Variants in TMEM150B observed in about 807,000 individuals in gnomAD.
TMEM150B encodes the protein transmembrane protein 150B.
TMEM150B carries 33 observed loss-of-function variants against 25.2 expected under a neutral mutation model. The observed-to-expected ratio is 1.31, with a 90% confidence interval of 0.99 to 1.75. The LOEUF is 1.75. Among genes scored for constraint, TMEM150B ranks in the 40% most tolerant of loss-of-function variants. The pLI, the probability that TMEM150B is intolerant of heterozygous loss-of-function variation, is 0.00. For synonymous variants in TMEM150B, 133 were observed against 134.8 expected, an observed-to-expected ratio of 0.99 and a Z score of 0.09; for missense variants, 322 against 306.1, an observed-to-expected ratio of 1.05 and a Z score of -0.39.
intron 3 of TMEM150B, 76 bp from the exon 4 acceptor site, chr19:55,320,693 TC>T: frequency 6.5e-7 from 1 of 1,545,536 alleles, no homozygotes; most frequent in Non-Finnish European, 8.9e-7. Context: ...AACAAGGACT[TC>T]TAGCCCCCTC....
intron 1 of TMEM150B, 92 bp downstream of exon 1, chr19:55,325,180 T>G (rs765089386): frequency 6.8e-5 from 49 of 718,592 alleles, no homozygotes; most frequent in Non-Finnish European, 8.2e-5. Flanking sequence ...CCACGGTGCT[T>G]ATGTGACCTG....
downstream of TMEM150B, chr19:55,312,533 CAAAAAAAAAAAA>C (rs372052269): frequency 3.2e-3 from 82 of 25,746 alleles, no homozygotes; most frequent in Middle Eastern, 0.056. Context: ...CCGCCGGCGG[CAAAAAAAAAAAA>C]AAAAAAAAAA....
At chr19:55,319,204 C>T (rs1459185606) in intron 6 of TMEM150B, among the ~76,000 whole-genome samples, 4 of 152,064 alleles carry the variant, frequency 2.6e-5, no homozygotes, top group Non-Finnish European at 4.4e-5. Flanking sequence ...CTCTGCCTCC[C>T]GGGTTCAAGC....
At chr19:55,324,830 A>T in intron 1 of TMEM150B, 1 of 985,208 alleles carries the variant, frequency 1.0e-6, no homozygotes, top group Non-Finnish European at 1.2e-6. Context: ...CCAGACATGA[A>T]TCTGAGCCAC....
chr19:55,313,178 C>T (rs533412922), intron 7 of TMEM150B, 123 bp from the exon 8 acceptor site: 3 of 976,392 alleles, frequency 3.1e-6, no homozygotes, highest in Admixed American at 5.3e-5. Context: ...TCTCCCCTTC[C>T]CCCGTAGCTC....
At position 55,320,120 on chromosome 19, in the gene TMEM150B, G is replaced by A. The variant is rs766895006; in HGVS notation, c.243C>T (p.Gly81=). 6.2e-6 allele frequency: 10 copies of A among 1,614,154 alleles called. No homozygotes were observed. Among genetic ancestry groups the A allele is most frequent in the Non-Finnish European group, 8.5e-6 (10 of 1,180,016 alleles). The change falls in exon 6 of 8, where the codon GGC becomes GGT. Residue 81 remains glycine (G), a synonymous_variant. Transcript: ENST00000326652. The part of the protein sequence containing the change: ...IVRYHQLRDW[G]VRRWPNQLIL... Reference sequence around the variant, plus strand: ...TCAGCTGGTTAGGCCACCTTCTGACGCCCCAGTCCCGGAGCTGGTGGTAAC... The same window carrying A: ...TCAGCTGGTTAGGCCACCTTCTGACACCCCAGTCCCGGAGCTGGTGGTAAC...
rs1318207398 is a variant in TMEM150B at position 55,313,176 on chromosome 19, TC to T, written c.506-122del. On this transcript the variant is annotated intron_variant, in intron 7 of 7. Transcript: ENST00000326652. ...GTGTCCCCATCCTCAGCTCTCCCCTTCCCCCGTAGCTCCTCACAGACGGGGC... is the reference window on the plus strand; with the variant it reads ...GTGTCCCCATCCTCAGCTCTCCCCTTCCCCGTAGCTCCTCACAGACGGGGC... 4.9e-6 allele frequency: 5 copies of T among 1,017,570 alleles called. No individual in the cohort carries two copies. The African/African-American group carries it at 6.6e-5, about 13-fold the overall frequency. The allele number at this position is 1,017,570 out of a possible 1,614,324, so 63.0% of individuals were successfully genotyped here.
At chr19:55,315,682 A>G (rs1386554930) in intron 7 of TMEM150B, among the ~76,000 whole-genome samples, 6 of 151,680 alleles carry the variant, frequency 4.0e-5, no homozygotes, top group Non-Finnish European at 8.8e-5. Flanking sequence ...AATGGCATGA[A>G]CCTGGGAGGC....
rs372085856 is a variant in TMEM150B, at chr19:55,316,954, G to T, written c.337C>A (p.Arg113=). Residue 113 remains arginine (R), a synonymous_variant, in exon 7 of 8, where the codon CGG becomes AGG. Coordinates refer to ENST00000326652, the MANE Select transcript of TMEM150B (RefSeq NM_001282011.2). ...AAGGCCCCTGCCAAGTGCGTAGGCC[G>T]CTGGTTCTTTTCCTGGGAGGAGAAG... ...VVGNFQEKNQ[R]PTHLAGAFLA... 2.5e-5 allele frequency: 40 copies of T among 1,598,992 alleles called. No individual in the cohort carries two copies. Among genetic ancestry groups the T allele is most frequent in the Non-Finnish European group, 3.1e-5 (37 of 1,174,914 alleles).
Position 55,320,409 on chromosome 19 carries a change from T to G in TMEM150B, c.178A>C (p.Asn60His), listed in dbSNP as rs576958346. The stretch of plus-strand genomic sequence containing the variant: ...TATTTACCCAGAGCAGCTCCCATAT[T>G]GAGCACCTGGCTGAAGATGCAGCTC... ...PQSCIFSQVLNMGAALAAWIC... is the reference protein window; with the variant it reads ...PQSCIFSQVLHMGAALAAWIC... Residue 60 changes from asparagine to histidine, a missense_variant, in exon 5 of 8, where the codon AAT (asparagine) becomes CAT (histidine). Transcript: ENST00000326652. The G allele has an allele frequency of 6.4e-7, 1 of 1,571,408 alleles. No individual in the cohort carries two copies. Among genetic ancestry groups the G allele is most frequent in the Non-Finnish European group, 8.6e-7 (1 of 1,157,334 alleles).
intron 1 of TMEM150B, among the ~76,000 whole-genome samples, chr19:55,323,237 G>A (rs1377357894): frequency 6.6e-6 from 1 of 152,102 alleles, no homozygotes; most frequent in Non-Finnish European, 1.5e-5. Flanking sequence ...TTTGAGACTA[G>A]CCTGGCCAAC....
chr19:55,324,431 T>C (rs879781552), intron 1 of TMEM150B, among the ~76,000 whole-genome samples: 51 of 151,948 alleles, frequency 3.4e-4, no homozygotes, highest in Non-Finnish European at 4.9e-4. Flanking sequence ...GGGCAGATCA[T>C]GAGATCAGGA....
intron 6 of TMEM150B, 22 bp downstream of exon 6, chr19:55,320,017 C>T: frequency 2.5e-6 from 4 of 1,613,938 alleles, no homozygotes; most frequent in Non-Finnish European, 3.4e-6. Context: ...GGGACAGACC[C>T]TGGGCGCCGA....
At chr19:55,320,905 G>A in intron 3 of TMEM150B, 64 bp downstream of exon 3, 1 of 1,564,320 alleles carries the variant, frequency 6.4e-7, no homozygotes, top group Non-Finnish European at 8.7e-7. Context: ...CTCAGACCCA[G>A]AAATCCAGGC....
rs375954486 is a variant in TMEM150B, at chr19:55,313,042, G to C, written c.519C>G (p.His173Gln). The change falls in exon 8 of 8, where the codon CAC becomes CAG. Residue 173 changes from histidine (H) to glutamine (Q), a missense_variant. Physicochemically the swap from His to Gln is conservative, Grantham distance 24. Transcript: ENST00000326652. ...CAGAGACGCTACGCAGCGAGCAGGCGTGGAGGACGATCACTGCCCCAGGGT... is the reference window on the plus strand; with the variant it reads ...CAGAGACGCTACGCAGCGAGCAGGCCTGGAGGACGATCACTGCCCCAGGGT... ...TILIVAMIVLHACSLRSVSAA... is the reference protein window; with the variant it reads ...TILIVAMIVLQACSLRSVSAA... The C allele has an allele frequency of 1.9e-6, 3 of 1,610,964 alleles. No individual in the cohort carries two copies. The highest frequency in any genetic ancestry group is 1.3e-5 in the African/African-American group (1 of 74,872).
At chr19:55,321,451 G>T (rs1192470604) in intron 2 of TMEM150B, among the ~76,000 whole-genome samples, 2 of 152,032 alleles carry the variant, frequency 1.3e-5, no homozygotes, top group Non-Finnish European at 2.9e-5. Flanking sequence ...TTCGGGATGG[G>T]GCTCAGACAG....
chr19:55,321,229 TC>T, intron 2 of TMEM150B, 136 bp from the exon 3 acceptor site: 2 of 1,229,406 alleles, frequency 1.6e-6, no homozygotes, highest in Non-Finnish European at 2.2e-6. Flanking sequence ...CCAGGCAATT[TC>T]CCCACCTATC....
rs768880288 is a variant in TMEM150B at position 55,312,934 on chromosome 19, G to A, written c.627C>T (p.Cys209=). The change falls in exon 8 of 8, where the codon TGC becomes TGT. Residue 209 remains cysteine, a synonymous_variant. Coordinates refer to ENST00000326652, the MANE Select transcript of TMEM150B (RefSeq NM_001282011.2). ...TGGGCCACGGCTGAACACACAGGGT[G>A]CAGCTCTCCAGGGCGGAGAAGTCAA... ...LAVDFSALES[C]TLCVQPWPSL... 1.2e-6 allele frequency: 2 copies of A among 1,612,284 alleles called. No individual in the cohort carries two copies. Among genetic ancestry groups the A allele is most frequent in the East Asian group, 2.2e-5 (1 of 44,812 alleles).
At chr19:55,311,564 C>T (rs898428357), downstream of TMEM150B, among the ~76,000 whole-genome samples, 4 of 152,194 alleles carry the variant, frequency 2.6e-5, no homozygotes, top group Non-Finnish European at 2.9e-5. Context: ...CGTTGAGCAC[C>T]GTCCTGGCAG....
Sources: allele counts gnomAD v4.1 joint callset (sites outside exome capture counted in the v4.1 genomes callset), GRCh38; gene constraint gnomAD v4.1.1; transcripts MANE v1.5; gene names NCBI Gene and HGNC (gene_info 2026-07-23, HGNC 2026-07-21).